PID1: variants seen among roughly 807,000 people sequenced by gnomAD.
PID1 encodes phosphotyrosine interaction domain containing 1, also known as PTB-containing, cubilin and LRP1-interacting protein.
In PID1, 10 loss-of-function variants were observed where a neutral mutation model predicts 19.1. The observed-to-expected ratio is 0.52, with a 90% CI of 0.32 to 0.89. The LOEUF (loss-of-function observed/expected upper bound fraction) is 0.89. PID1 is among the 40% of genes least tolerant of loss of function. The pLI, the probability that PID1 is intolerant of heterozygous loss-of-function variation, is 0.03. For synonymous variants in PID1, 130 were observed against 116.0 expected, an observed-to-expected ratio of 1.12 and a Z score of -0.78; for missense variants, 248 against 285.3, an observed-to-expected ratio of 0.87 and a Z score of 0.94.
At chr2:229,218,289 T>C (rs1449613908) in intron 1 of PID1, among the ~76,000 whole-genome samples, 3 of 44,806 alleles carry the variant, frequency 6.7e-5, no homozygotes, top group African/African-American at 2.0e-4. Flanking sequence ...TTTTGTTTCC[T>C]GAGCAAAAAA....
At chr2:229,254,443 C>T (rs1458398753) in intron 1 of PID1, among the ~76,000 whole-genome samples, 1 of 152,146 alleles carries the variant, frequency 6.6e-6, no homozygotes, top group Non-Finnish European at 1.5e-5. Context: ...ATATAAAGAA[C>T]CACATGATAA....
At chr2:229,201,390 G>C (rs79484021) in intron 1 of PID1, among the ~76,000 whole-genome samples, 1 of 151,950 alleles carries the variant, frequency 6.6e-6, no homozygotes, top group African/African-American at 2.4e-5. Context: ...TTTTGTGACT[G>C]TCTTCTTTAT....
chr2:229,050,257 TTC>T (rs1466093767), intron 2 of PID1, among the ~76,000 whole-genome samples: 2 of 152,156 alleles, frequency 1.3e-5, no homozygotes, highest in Non-Finnish European at 2.9e-5. Context: ...TTAGTTCCGC[TTC>T]TCTCTCACAT....
intron 1 of PID1, among the ~76,000 whole-genome samples, chr2:229,162,833 G>A (rs1054905203): frequency 1.3e-5 from 2 of 152,166 alleles, no homozygotes; most frequent in Non-Finnish European, 2.9e-5. Flanking sequence ...AGAAACCATA[G>A]TGACACTTTT....
intron 2 of PID1, among the ~76,000 whole-genome samples, chr2:229,117,052 T>C (rs931504412): frequency 7.2e-5 from 11 of 152,170 alleles, no homozygotes; most frequent in Admixed American, 3.9e-4. Flanking sequence ...CCACAAGCTT[T>C]TATATGTTAT....
At chr2:229,127,924 T>C (rs1257464863) in intron 2 of PID1, among the ~76,000 whole-genome samples, 1 of 152,218 alleles carries the variant, frequency 6.6e-6, no homozygotes, top group Non-Finnish European at 1.5e-5. Flanking sequence ...ATACCTGCTC[T>C]TTGGCTTCCC....
intron 2 of PID1, among the ~76,000 whole-genome samples, chr2:229,031,865 A>G (rs1693561785): frequency 6.6e-6 from 1 of 152,148 alleles, no homozygotes; most frequent in Non-Finnish European, 1.5e-5. Flanking sequence ...ATACTTCTTA[A>G]TTCTCCCATT....
At chr2:229,204,884 T>C (rs1271533875) in intron 1 of PID1, among the ~76,000 whole-genome samples, 2 of 152,134 alleles carry the variant, frequency 1.3e-5, no homozygotes, top group Admixed American at 6.5e-5. Context: ...GCTACTATTC[T>C]CTAGGTCAGA....
chr2:229,155,685 G>T, intron 2 of PID1, 133 bp downstream of exon 2: 1 of 769,282 alleles, frequency 1.3e-6, no homozygotes, highest in Non-Finnish European at 2.0e-6. Flanking sequence ...CCATCACTCT[G>T]TGAATTTATT....
chr2:229,171,545 C>T (rs1181571049), intron 1 of PID1, among the ~76,000 whole-genome samples: 9 of 152,172 alleles, frequency 5.9e-5, no homozygotes, highest in Admixed American at 4.6e-4. Flanking sequence ...CTAGAACTAA[C>T]CCCTCTCTCT....
At chr2:229,120,313 G>T (rs1309015475) in intron 2 of PID1, among the ~76,000 whole-genome samples, 1 of 152,020 alleles carries the variant, frequency 6.6e-6, no homozygotes. Context: ...TACATATTTT[G>T]TATACGTATT....
At chr2:229,262,353 T>C (rs994270631) in intron 1 of PID1, among the ~76,000 whole-genome samples, 5 of 152,212 alleles carry the variant, frequency 3.3e-5, no homozygotes, top group Non-Finnish European at 5.9e-5. Context: ...CAGCACATGT[T>C]ACACTCAAGG....
intron 2 of PID1, among the ~76,000 whole-genome samples, chr2:229,064,187 G>C (rs184512537): frequency 6.6e-6 from 1 of 152,114 alleles, no homozygotes; most frequent in Admixed American, 6.6e-5. Context: ...TGAATGGATT[G>C]GGGAGATTGG....
At chr2:229,107,438 C>A (rs1254324125) in intron 2 of PID1, among the ~76,000 whole-genome samples, 1 of 151,094 alleles carries the variant, frequency 6.6e-6, no homozygotes, top group Non-Finnish European at 1.5e-5. Context: ...ATTGCCAGCT[C>A]CTCTCAGTAG....
intron 2 of PID1, among the ~76,000 whole-genome samples, chr2:229,050,721 T>C: frequency 6.6e-6 from 1 of 152,106 alleles, no homozygotes; most frequent in East Asian, 1.9e-4. Flanking sequence ...GAGTGTCCCA[T>C]CTCAAGCTCT....
chr2:229,220,025 C>T (rs1187954006), intron 1 of PID1, among the ~76,000 whole-genome samples: 2 of 143,488 alleles, frequency 1.4e-5, no homozygotes, highest in Non-Finnish European at 3.1e-5. Flanking sequence ...TTTGGGGACT[C>T]TTTTTTTTTT....
intron 1 of PID1, among the ~76,000 whole-genome samples, chr2:229,237,556 G>A (rs1052352411): frequency 6.6e-6 from 1 of 152,148 alleles, no homozygotes. Flanking sequence ...GTGCAAAGCT[G>A]TTCACTTGCT....
chr2:229,243,666 A>G (rs1032605961), intron 1 of PID1, among the ~76,000 whole-genome samples: 4 of 152,146 alleles, frequency 2.6e-5, no homozygotes, highest in African/African-American at 9.7e-5. Flanking sequence ...CCCAAAGATG[A>G]AAAACAAGAA....
chr2:229,187,532 TACTC>T (rs1376982060), intron 1 of PID1, among the ~76,000 whole-genome samples: 1 of 152,114 alleles, frequency 6.6e-6, no homozygotes, highest in Non-Finnish European at 1.5e-5. Context: ...ATGTGAGACT[TACTC>T]ACTACCACGA....
Sources: gnomAD v4.1 joint callset for allele counts (sites outside exome capture counted in the v4.1 genomes callset) on GRCh38, gnomAD v4.1.1 for gene constraint, MANE v1.5 for transcripts, NCBI Gene and HGNC (gene_info 2026-07-23, HGNC 2026-07-21) for gene names.